The following TCP11L1 variants were observed in gnomAD, a reference collection of about 807,000 sequenced individuals.
TCP11L1 encodes T-complex protein 11-like protein 1.
In TCP11L1, 28 loss-of-function variants were observed where a neutral mutation model predicts 48.9. That is an observed-to-expected ratio of 0.57 (90% CI 0.42 to 0.78). TCP11L1 has a LOEUF of 0.78. TCP11L1 is among the 30% of genes least tolerant of loss of function. TCP11L1 has a pLI of 0.00. For missense variants in TCP11L1, 505 were observed against 613.4 expected, an observed-to-expected ratio of 0.82 and a Z score of 1.87; for synonymous variants, 204 against 231.9, an observed-to-expected ratio of 0.88 and a Z score of 1.09.
intron 6 of TCP11L1, among the ~76,000 whole-genome samples, chr11:33,060,937 A>G (rs1012752747): frequency 6.6e-6 from 1 of 152,048 alleles, no homozygotes; most frequent in Non-Finnish European, 1.5e-5. Context: ...AGGCCTGGCT[A>G]GGTGTCATGT....
intron 9 of TCP11L1, among the ~76,000 whole-genome samples, chr11:33,071,617 A>G (rs1327965957): frequency 1.3e-5 from 2 of 152,246 alleles, no homozygotes; most frequent in Admixed American, 1.3e-4. Flanking sequence ...GGACAAGTTT[A>G]CAAATGCCCA....
chr11:33,072,633 C>G lies in TCP11L1; in HGVS notation c.1487C>G (p.Pro496Arg), dbSNP rs770226268. Residue 496 changes from proline (P) to arginine (R), a missense_variant, in exon 10 of 10, where the codon CCC becomes CGC. This residue lies in a region of TCP11L1 where 335 missense variants were observed against 413.3 expected (regional missense o/e 0.81). Transcript: ENST00000334274. Reference sequence around the variant, plus strand: ...AACTATAACAAGATGGTCTTCTGTCCCTACTACGATGCAATCCTGAGTAAG... The same window carrying G: ...AACTATAACAAGATGGTCTTCTGTCGCTACTACGATGCAATCCTGAGTAAG... Reference protein sequence around the residue: ...LVNYNKMVFCPYYDAILSKIL... With the variant: ...LVNYNKMVFCRYYDAILSKIL... The G allele has an allele frequency of 6.2e-7, 1 of 1,614,092 alleles. No individual in the cohort carries two copies. Among genetic ancestry groups the G allele is most frequent in the Admixed American group, 1.7e-5 (1 of 60,008 alleles).
chr11:33,071,211 A>G (rs1463585104), intron 9 of TCP11L1, among the ~76,000 whole-genome samples: 1 of 151,960 alleles, frequency 6.6e-6, no homozygotes, highest in Non-Finnish European at 1.5e-5. Flanking sequence ...GCTACTCGGG[A>G]GGCAGAGTGG....
chr11:33,050,204 T>C (rs1854117940), intron 2 of TCP11L1, among the ~76,000 whole-genome samples: 1 of 152,228 alleles, frequency 6.6e-6, no homozygotes. Context: ...GAATTTTTCT[T>C]AGTACAGAAC....
chr11:33,051,547 G>A (rs1236973420), intron 2 of TCP11L1, among the ~76,000 whole-genome samples: 1 of 151,434 alleles, frequency 6.6e-6, no homozygotes, highest in African/African-American at 2.4e-5. Context: ...TTCTTTTTTT[G>A]AGACAGAGTA....
chr11:33,068,523 A>T (rs905824478), intron 8 of TCP11L1, among the ~76,000 whole-genome samples, 164 bp from the exon 9 acceptor site: 2 of 152,198 alleles, frequency 1.3e-5, no homozygotes, highest in Non-Finnish European at 2.9e-5. Flanking sequence ...CTGGTCAGGT[A>T]TGCACAGCCT....
rs1202383146 is a variant in TCP11L1 at position 33,051,404 on chromosome 11, T to TGGTC, written c.164-3188_164-3185dup. Among the ~76,000 whole-genome samples, 4 of 151,948 alleles carry TGGTC rather than the reference T, an allele frequency of 2.6e-5. No individual in the cohort carries two copies. In the East Asian group the frequency reaches 7.8e-4, roughly 30 times the overall value. On this transcript the variant is annotated intron_variant, in intron 2 of 9. Transcript: ENST00000334274. ...GGATGGTCTTGTTCTCCCGACCTTGTGGTCCGCTCGCCTCAGCCTCCCAAA... is the reference window on the plus strand; with the variant it reads ...GGATGGTCTTGTTCTCCCGACCTTGTGGTCGGTCCGCTCGCCTCAGCCTCCCAAA...
chr11:33,067,822 G>C (rs948581070), intron 8 of TCP11L1, among the ~76,000 whole-genome samples: 2 of 152,044 alleles, frequency 1.3e-5, no homozygotes, highest in Non-Finnish European at 2.9e-5. Context: ...CAGGCACCCT[G>C]GGAGAGCCTG....
intron 7 of TCP11L1, among the ~76,000 whole-genome samples, chr11:33,064,834 T>C (rs1431580184): frequency 6.6e-6 from 1 of 152,196 alleles, no homozygotes; most frequent in African/African-American, 2.4e-5. Context: ...CAAGCTGCAG[T>C]GTAGTGGCTA....
intron 7 of TCP11L1, among the ~76,000 whole-genome samples, chr11:33,062,379 A>G (rs1360086850): frequency 1.3e-5 from 2 of 152,058 alleles, no homozygotes; most frequent in African/African-American, 4.8e-5. Flanking sequence ...TTTTATTTAA[A>G]TGAAATCATA....
At chr11:33,045,224 A>C (rs181456285) in intron 2 of TCP11L1, among the ~76,000 whole-genome samples, 60 of 152,072 alleles carry the variant, frequency 3.9e-4, no homozygotes, top group Non-Finnish European at 4.3e-4. Flanking sequence ...ATGGTGGTGC[A>C]TGCCTATAGT....
At chr11:33,043,020 C>T (rs1056097331) in intron 1 of TCP11L1, among the ~76,000 whole-genome samples, 88 of 152,288 alleles carry the variant, frequency 5.8e-4, no homozygotes, top group African/African-American at 1.9e-3. Flanking sequence ...AAACTGAGAT[C>T]GCACCACTGC....
intron 6 of TCP11L1, among the ~76,000 whole-genome samples, chr11:33,061,221 G>T (rs1564983821): frequency 6.6e-6 from 1 of 152,170 alleles, no homozygotes; most frequent in African/African-American, 2.4e-5. Flanking sequence ...CTCCCAAAGT[G>T]CTGGGATTAC....
At chr11:33,050,521 A>T (rs905145603) in intron 2 of TCP11L1, among the ~76,000 whole-genome samples, 2 of 152,236 alleles carry the variant, frequency 1.3e-5, no homozygotes, top group Non-Finnish European at 1.5e-5. Flanking sequence ...ATATGTATAT[A>T]TACAGGAGAT....
chr11:33,068,487 A>T (rs1338191610), intron 8 of TCP11L1, among the ~76,000 whole-genome samples, 200 bp from the exon 9 acceptor site: 1 of 152,070 alleles, frequency 6.6e-6, no homozygotes, highest in Non-Finnish European at 1.5e-5. Context: ...TGTCCTTTCT[A>T]GCAGAGGGAG....
intron 2 of TCP11L1, among the ~76,000 whole-genome samples, chr11:33,045,564 G>A (rs1484239832): frequency 6.6e-6 from 1 of 152,148 alleles, no homozygotes; most frequent in East Asian, 1.9e-4. Flanking sequence ...ATTGATTGCT[G>A]TAATGTAGAT....
At chr11:33,056,534 C>G (rs1202674473) in intron 3 of TCP11L1, 1 of 159,196 alleles carries the variant, frequency 6.3e-6, no homozygotes, top group Non-Finnish European at 1.4e-5. Context: ...GTCCTTCAAC[C>G]TACTACATAC....
At chr11:33,063,567 G>A (rs1381611600) in intron 7 of TCP11L1, among the ~76,000 whole-genome samples, 1 of 152,152 alleles carries the variant, frequency 6.6e-6, no homozygotes, top group East Asian at 1.9e-4. Flanking sequence ...CTTCCATGCT[G>A]AACAATATTT....
At chr11:33,068,625 C>A in intron 8 of TCP11L1, 62 bp from the exon 9 acceptor site, 3 of 1,555,602 alleles carry the variant, frequency 1.9e-6, no homozygotes, top group South Asian at 1.2e-5. Flanking sequence ...CGGGTGTGGG[C>A]GGTTGGAGCT....
Sources: gnomAD v4.1 joint callset for allele counts (sites outside exome capture counted in the v4.1 genomes callset) on GRCh38, gnomAD v4.1.1 for gene constraint, gnomAD v4.1.1 regional missense constraint, MANE v1.5 for transcripts, NCBI Gene and HGNC (gene_info 2026-07-23, HGNC 2026-07-21) for gene names.